Variants in CNTN4 observed in about 807,000 individuals in gnomAD.
The protein encoded by CNTN4 is contactin-4.
A neutral mutation model predicts 122.5 loss-of-function variants in CNTN4; 77 were observed. The observed-to-expected ratio is 0.63, with a 90% CI of 0.52 to 0.76. The LOEUF is 0.76. Among genes scored for constraint, CNTN4 ranks in the 30% least tolerant of loss-of-function variants. The pLI is 0.00. For missense variants in CNTN4, 1,256 were observed against 1,259.1 expected (o/e 1.00, Z 0.04); for synonymous variants, 512 against 447.0 (o/e 1.15, Z -1.83).
intron 13 of CNTN4, among the ~76,000 whole-genome samples, chr3:2,931,260 C>T (rs2094517811): frequency 6.6e-6 from 1 of 152,058 alleles, no homozygotes; most frequent in Non-Finnish European, 1.5e-5. Context: ...GAACTGAAAA[C>T]ACTTAATGAC....
At chr3:2,414,419 G>T (rs2047338952) in intron 3 of CNTN4, among the ~76,000 whole-genome samples, 3 of 152,018 alleles carry the variant, frequency 2.0e-5, no homozygotes, top group Admixed American at 2.0e-4. Flanking sequence ...CATTTTAAAA[G>T]AATATGACAA....
chr3:2,913,602 T>G (rs577164203), intron 12 of CNTN4, among the ~76,000 whole-genome samples: 5 of 152,306 alleles, frequency 3.3e-5, no homozygotes, highest in Admixed American at 6.5e-5. Flanking sequence ...GACTGATTCA[T>G]CACAAAGATG....
In CNTN4 at chr3:2,939,902, C is replaced by T. The variant is rs146870309; in HGVS notation, c.1358+14123C>T. Among the ~76,000 whole-genome samples, 283 of 152,304 alleles carry T rather than the reference C, an allele frequency of 1.9e-3. 1 individual carries two copies. Among genetic ancestry groups the T allele is most frequent in the African/African-American group, 6.4e-3 (267 of 41,568 alleles). ...TCTCTGTTCAGCGATAGCTCACATT[C>T]ATAGCTTGATGTTAGCCATCGGCAG... is the stretch of plus-strand genomic sequence containing the variant. On this transcript the variant is annotated intron_variant, in intron 13 of 24. Coordinates refer to ENST00000418658, the MANE Select transcript of CNTN4 (RefSeq NM_175607.3).
At chr3:2,135,184 G>C (rs1263284895) in intron 2 of CNTN4, among the ~76,000 whole-genome samples, 1 of 152,140 alleles carries the variant, frequency 6.6e-6, no homozygotes, top group African/African-American at 2.4e-5. Context: ...GAGATGGCCT[G>C]TGTGGACCTT....
intron 6 of CNTN4, among the ~76,000 whole-genome samples, chr3:2,748,131 A>G (rs1392786886): frequency 6.6e-6 from 1 of 152,222 alleles, no homozygotes; most frequent in Non-Finnish European, 1.5e-5. Context: ...TGCAAAGGAC[A>G]CTGGGGACAG....
chr3:2,778,735 T>C (rs1420568516), intron 6 of CNTN4, among the ~76,000 whole-genome samples: 1 of 152,086 alleles, frequency 6.6e-6, no homozygotes, highest in East Asian at 1.9e-4. Flanking sequence ...TTCAGCATAA[T>C]GGGGGAGAGA....
At chr3:2,670,288 C>A (rs1240346180) in intron 4 of CNTN4, among the ~76,000 whole-genome samples, 1 of 152,134 alleles carries the variant, frequency 6.6e-6, no homozygotes, top group Non-Finnish European at 1.5e-5. Flanking sequence ...GTATTGGGTA[C>A]ATATATATTT....
At chr3:2,183,857 T>G (rs2037130695) in intron 2 of CNTN4, among the ~76,000 whole-genome samples, 1 of 152,162 alleles carries the variant, frequency 6.6e-6, no homozygotes, top group Non-Finnish European at 1.5e-5. Flanking sequence ...AAGACACTTC[T>G]CTCCTATTAG....
At chr3:2,419,990 C>T (rs950875882) in intron 3 of CNTN4, among the ~76,000 whole-genome samples, 9 of 152,234 alleles carry the variant, frequency 5.9e-5, no homozygotes, top group African/African-American at 4.8e-5. Flanking sequence ...CCAAAAGCCA[C>T]GGTCATTGGC....
chr3:2,367,215 C>G (rs2045426042), intron 3 of CNTN4, among the ~76,000 whole-genome samples: 1 of 152,144 alleles, frequency 6.6e-6, no homozygotes, highest in African/African-American at 2.4e-5. Flanking sequence ...GAAAAAAATG[C>G]TGGACCTCTA....
At chr3:2,256,912 T>C (rs1205287756) in intron 2 of CNTN4, among the ~76,000 whole-genome samples, 1 of 152,200 alleles carries the variant, frequency 6.6e-6, no homozygotes, top group Non-Finnish European at 1.5e-5. Flanking sequence ...CACCATTGAC[T>C]TTCTTCACAT....
At chr3:2,706,343 T>C (rs2675300) in intron 4 of CNTN4, among the ~76,000 whole-genome samples, 20,639 of 152,036 alleles carry the variant, frequency 0.14, 1,767 homozygotes, top group African/African-American at 0.24. Flanking sequence ...GAGAAAATAG[T>C]AGCATGATTA....
chr3:2,726,344 T>A (rs1015708349), intron 4 of CNTN4, among the ~76,000 whole-genome samples: 1 of 152,190 alleles, frequency 6.6e-6, no homozygotes, highest in African/African-American at 2.4e-5. Flanking sequence ...AATGTATAAA[T>A]AAGTATTAAT....
chr3:2,122,297 ATTTG>A (rs1318971938), intron 2 of CNTN4, among the ~76,000 whole-genome samples: 1 of 152,134 alleles, frequency 6.6e-6, no homozygotes, highest in Non-Finnish European at 1.5e-5. Flanking sequence ...TGTTACTATT[ATTTG>A]TTTATCATTT....
chr3:2,174,977 A>G (rs1349845292), intron 2 of CNTN4, among the ~76,000 whole-genome samples: 1 of 152,190 alleles, frequency 6.6e-6, no homozygotes, highest in Admixed American at 6.5e-5. Context: ...ACCAGGCCCC[A>G]TCTCCAAAAC....
intron 2 of CNTN4, among the ~76,000 whole-genome samples, chr3:2,136,778 C>A (rs1024279042): frequency 1.3e-5 from 2 of 151,710 alleles, no homozygotes; most frequent in African/African-American, 4.8e-5. Flanking sequence ...ACAGATACCA[C>A]TCAAAAGAAT....
intron 3 of CNTN4, among the ~76,000 whole-genome samples, chr3:2,419,923 C>T (rs1322071804): frequency 1.3e-5 from 2 of 152,100 alleles, no homozygotes; most frequent in Non-Finnish European, 2.9e-5. Flanking sequence ...TATAATTACT[C>T]TGCTTGATGA....
intron 14 of CNTN4, among the ~76,000 whole-genome samples, chr3:3,001,691 G>A (rs1696064112): frequency 6.6e-6 from 1 of 152,050 alleles, no homozygotes. Flanking sequence ...AGTATTAAGT[G>A]GGTCTCATTG....
chr3:2,282,767 C>T (rs1361853721), intron 2 of CNTN4, among the ~76,000 whole-genome samples: 5 of 151,984 alleles, frequency 3.3e-5, no homozygotes, highest in East Asian at 3.9e-4. Context: ...ACTGATAATT[C>T]GATTAAACAA....
Sources: gnomAD v4.1 joint callset for allele counts (sites outside exome capture counted in the v4.1 genomes callset) on GRCh38, gnomAD v4.1.1 for gene constraint, MANE v1.5 for transcripts, NCBI Gene and HGNC (gene_info 2026-07-23, HGNC 2026-07-21) for gene names.